LRRN3: variants seen among roughly 807,000 people sequenced by gnomAD.
LRRN3 encodes the protein leucine-rich repeat neuronal protein 3.
In LRRN3, 15 loss-of-function variants were observed where a neutral mutation model predicts 40.1. The observed-to-expected ratio is 0.37, with a 90% confidence interval of 0.25 to 0.58. The LOEUF (loss-of-function observed/expected upper bound fraction) is 0.58, where lower values mean the gene tolerates loss of function less well. Among genes scored for constraint, LRRN3 ranks in the 20% least tolerant of loss-of-function variants. The probability of loss-of-function intolerance (pLI) is 0.72; values close to 1 mark genes in which losing one functional copy is unlikely to be tolerated. For missense variants in LRRN3, 746 were observed against 837.7 expected, an observed-to-expected ratio of 0.89 and a Z score of 1.35; for synonymous variants, 308 against 297.2, an observed-to-expected ratio of 1.04 and a Z score of -0.37.
At chr7:111,104,676 G>A (rs1001418056) in intron 2 of LRRN3, among the ~76,000 whole-genome samples, 1 of 151,666 alleles carries the variant, frequency 6.6e-6, no homozygotes, top group Non-Finnish European at 1.5e-5. Context: ...GTGGAGAAAA[G>A]GAAAATTAAT....
At chr7:111,108,222 TCAAAC>T (rs1369251102) in intron 2 of LRRN3, among the ~76,000 whole-genome samples, 2 of 152,158 alleles carry the variant, frequency 1.3e-5, no homozygotes, top group Non-Finnish European at 2.9e-5. Flanking sequence ...TGCAGCCACA[TCAAAC>T]CAATTTTCTA....
chr7:111,119,629 T>C (rs75539080), intron 2 of LRRN3, among the ~76,000 whole-genome samples: 1 of 152,210 alleles, frequency 6.6e-6, no homozygotes, highest in Non-Finnish European at 1.5e-5. Context: ...TTTACTGAAA[T>C]TAGAAATTAA....
At chr7:111,095,808 GT>G (rs1396968804) in intron 1 of LRRN3, among the ~76,000 whole-genome samples, 1 of 151,820 alleles carries the variant, frequency 6.6e-6, no homozygotes, top group Non-Finnish European at 1.5e-5. Flanking sequence ...TATATACAGT[GT>G]CCACTCTCAG....
intron 1 of LRRN3, among the ~76,000 whole-genome samples, chr7:111,096,092 A>G (rs1018129671): frequency 6.6e-6 from 1 of 152,066 alleles, no homozygotes; most frequent in Non-Finnish European, 1.5e-5. Context: ...GATACAAAAT[A>G]TAAACACAAT....
chr7:111,117,619 G>A (rs2129586254), intron 2 of LRRN3, among the ~76,000 whole-genome samples: 1 of 152,102 alleles, frequency 6.6e-6, no homozygotes, highest in South Asian at 2.1e-4. Context: ...CTTTTACAAG[G>A]ATGCATTTAG....
chr7:111,119,068 A>G lies in LRRN3; in HGVS notation c.-358-3347A>G, dbSNP rs145843136. ...CCCCAGAAAGAATGCCTCATCTTTAATATTTCCAAACCTCTAGTTAACTTA... is the reference window on the plus strand; with the variant it reads ...CCCCAGAAAGAATGCCTCATCTTTAGTATTTCCAAACCTCTAGTTAACTTA... On this transcript the variant is annotated intron_variant, in intron 2 of 2. Coordinates refer to ENST00000308478, the MANE Select transcript of LRRN3 (RefSeq NM_001099658.2). Among the ~76,000 whole-genome samples the G allele has an allele frequency of 3.1e-3, 468 of 152,318 alleles. 10 individuals carry two copies. Among genetic ancestry groups the G allele is most frequent in the Admixed American group, 0.028 (431 of 15,296 alleles).
chr7:111,122,780 A>C lies in LRRN3; in HGVS notation c.8A>C (p.Asp3Ala). MK[D>A]MPLRIHVLLG... The stretch of plus-strand genomic sequence containing the variant: ...CTGAAGAAGAAAGCTAAGATGAAGG[A>C]CATGCCACTCCGAATTCATGTGCTA... Residue 3 changes from aspartate (D) to alanine (A), a missense_variant, in exon 3 of 3, where the codon GAC becomes GCC. Coordinates refer to ENST00000308478, the MANE Select transcript of LRRN3 (RefSeq NM_001099658.2). 1 of 1,611,980 alleles carries C rather than the reference A, an allele frequency of 6.2e-7. No homozygotes were observed. The highest frequency in any genetic ancestry group is 8.5e-7 in the Non-Finnish European group (1 of 1,178,812).
At chr7:111,117,317 T>C (rs1173507213) in intron 2 of LRRN3, among the ~76,000 whole-genome samples, 1 of 152,110 alleles carries the variant, frequency 6.6e-6, no homozygotes, top group African/African-American at 2.4e-5. Context: ...ATCTTACAAC[T>C]CATGCAACCA....
intron 2 of LRRN3, among the ~76,000 whole-genome samples, chr7:111,102,147 A>AG (rs1354210652): frequency 6.6e-6 from 1 of 151,584 alleles, no homozygotes; most frequent in Non-Finnish European, 1.5e-5. Context: ...TACAGATTTT[A>AG]GGTCACTTGT....
At chr7:111,097,973 G>A (rs1797583570) in intron 1 of LRRN3, among the ~76,000 whole-genome samples, 1 of 151,828 alleles carries the variant, frequency 6.6e-6, no homozygotes. Flanking sequence ...CAAGCGAAAA[G>A]AGAATTGTGT....
chr7:111,120,919 T>C (rs1436967316), intron 2 of LRRN3, among the ~76,000 whole-genome samples: 1 of 151,242 alleles, frequency 6.6e-6, no homozygotes, highest in Non-Finnish European at 1.5e-5. Context: ...TGGCCTTTTA[T>C]GTTGCCTCTC....
chr7:111,107,640 T>A (rs3823926), intron 2 of LRRN3, among the ~76,000 whole-genome samples: 1 of 151,934 alleles, frequency 6.6e-6, no homozygotes, highest in Admixed American at 6.6e-5. Context: ...GGGGCACTAG[T>A]AAAGTAATAA....
intron 1 of LRRN3, 81 bp from the exon 2 acceptor site, chr7:111,099,800 G>A (rs1245050303): frequency 6.6e-6 from 1 of 151,682 alleles, no homozygotes; most frequent in Non-Finnish European, 1.5e-5. Context: ...AACCTAACAT[G>A]TAAGAAATAA....
intron 2 of LRRN3, among the ~76,000 whole-genome samples, chr7:111,117,260 C>A (rs1799997311): frequency 6.6e-6 from 1 of 152,002 alleles, no homozygotes; most frequent in South Asian, 2.1e-4. Context: ...TGGAAAAAAT[C>A]TTTGATGTTC....
At chr7:111,094,996 T>C (rs1797256484) in intron 1 of LRRN3, among the ~76,000 whole-genome samples, 1 of 152,080 alleles carries the variant, frequency 6.6e-6, no homozygotes, top group Non-Finnish European at 1.5e-5. Context: ...GTACAGTACC[T>C]ACAGGGCCAT....
chr7:111,120,214 G>A (rs1229628240), intron 2 of LRRN3, among the ~76,000 whole-genome samples: 6 of 152,022 alleles, frequency 3.9e-5, no homozygotes, highest in East Asian at 1.9e-4. Flanking sequence ...GCATTAATCC[G>A]TTCTCATGCT....
intron 2 of LRRN3, among the ~76,000 whole-genome samples, chr7:111,102,868 T>A (rs146763751): frequency 6.6e-6 from 1 of 151,688 alleles, no homozygotes; most frequent in Non-Finnish European, 1.5e-5. Context: ...TTTGAAATTA[T>A]AAATCTCATT....
intron 2 of LRRN3, among the ~76,000 whole-genome samples, chr7:111,108,732 T>C (rs1288851395): frequency 3.9e-5 from 6 of 152,158 alleles, no homozygotes; most frequent in African/African-American, 1.4e-4. Flanking sequence ...GCTTACATCA[T>C]CACTCAATAG....
At chr7:111,107,633 G>A (rs1798693967) in intron 2 of LRRN3, among the ~76,000 whole-genome samples, 1 of 152,004 alleles carries the variant, frequency 6.6e-6, no homozygotes, top group Admixed American at 6.6e-5. Context: ...TTTAATTGGG[G>A]CACTAGTAAA....
Sources: allele counts gnomAD v4.1 joint callset (sites outside exome capture counted in the v4.1 genomes callset), GRCh38; gene constraint gnomAD v4.1.1; transcripts MANE v1.5; gene names NCBI Gene and HGNC (gene_info 2026-07-23, HGNC 2026-07-21).